DNAAF4: variants seen among roughly 807,000 people sequenced by gnomAD.
DNAAF4 encodes dynein axonemal assembly factor 4, also known as dynein assembly factor 4, axonemal.
In DNAAF4, 43 loss-of-function variants were observed where a neutral mutation model predicts 51.8. The observed-to-expected ratio is 0.83, with a 90% CI of 0.65 to 1.07. The LOEUF (loss-of-function observed/expected upper bound fraction) is 1.07, where lower values mean the gene tolerates loss of function less well. Ranked by LOEUF, DNAAF4 falls within the 50% of genes least tolerant of loss-of-function variation. DNAAF4 has a pLI of 0.00. For synonymous variants in DNAAF4, 194 were observed against 165.6 expected (o/e 1.17, Z -1.32); for missense variants, 581 against 493.0 (o/e 1.18, Z -1.69).
chr15:55,430,825 A>G, intron 9 of DNAAF4, 46 bp from the exon 10 acceptor site: 1 of 1,437,694 alleles, frequency 7.0e-7, no homozygotes. Context: ...ATATTTTATT[A>G]GCACTTCTTT....
At position 55,433,950 on chromosome 15, in the gene DNAAF4, A is replaced by ATTATAATAT. The variant is rs1228233746; in HGVS notation, c.1047+954_1047+955insATATTATAA. 6.2e-3 allele frequency among the ~76,000 whole-genome samples: 204 copies of ATTATAATAT among 33,144 alleles called. 17 individuals carry two copies. The highest frequency in any genetic ancestry group is 0.016 in the African/African-American group (166 of 10,528). 21.7% of individuals were successfully genotyped at this position (33,144 alleles called of 152,430 possible). A position where few individuals can be genotyped will look rare whatever the true frequency, so the allele number is the denominator to read the frequency against. Reference sequence around the variant, plus strand: ...ATATTATATAAAATATATATAATATATATAATATATATAATATATTTTATA... The same window carrying ATTATAATAT: ...ATATTATATAAAATATATATAATATATTATAATATTATAATATATATAATATATTTTATA... On this transcript the variant is annotated intron_variant, in intron 8 of 9. Coordinates refer to ENST00000321149, the MANE Select transcript of DNAAF4 (RefSeq NM_130810.4).
intron 9 of DNAAF4, 70 bp from the exon 10 acceptor site, chr15:55,430,849 G>T: frequency 8.0e-7 from 1 of 1,250,814 alleles, no homozygotes; most frequent in South Asian, 1.3e-5. Flanking sequence ...CTAGACAATA[G>T]TTGTTTAAAA....
chr15:55,465,941 G>C (rs149188410), intron 5 of DNAAF4, among the ~76,000 whole-genome samples: 10 of 152,222 alleles, frequency 6.6e-5, no homozygotes, highest in African/African-American at 1.7e-4. Context: ...TGGGGACTAG[G>C]GGGGAAGGGT....
rs1230072272 is a variant in DNAAF4, at chr15:55,466,912, A to G, written c.637+18T>C. On this transcript the variant is annotated intron_variant, in intron 5 of 9. Transcript: ENST00000321149. ...CACCAACAGGACTCACTACTCAAGA[A>G]ATTCTTAATCATTTTACCTTTTGGA... 2 of 1,581,110 alleles carry G rather than the reference A, an allele frequency of 1.3e-6. No individual in the cohort carries two copies. The highest frequency in any genetic ancestry group is 2.8e-5 in the African/African-American group (2 of 72,660).
chr15:55,434,827 C>G, intron 8 of DNAAF4, 78 bp downstream of exon 8: 1 of 1,162,916 alleles, frequency 8.6e-7, no homozygotes, highest in South Asian at 2.6e-5. Context: ...TTCAACTGAA[C>G]AGAAAAAGAT....
Position 55,430,415 on chromosome 15 carries a change from A to G in DNAAF4, c.*255T>C. 3.0e-6 allele frequency: 3 copies of G among 1,011,952 alleles called. No homozygotes were observed. Among genetic ancestry groups the G allele is most frequent in the Non-Finnish European group, 3.6e-6 (3 of 843,302 alleles). 62.7% of individuals were successfully genotyped at this position (1,011,952 alleles called of 1,614,324 possible). ...TTTGTTACAAGGGCAAGCTTAATTC[A>G]GTAACACAAAAAAGTATACATATGT... On this transcript the variant is annotated 3_prime_UTR_variant, in exon 10 of 10. Coordinates refer to ENST00000321149, the MANE Select transcript of DNAAF4 (RefSeq NM_130810.4).
chr15:55,446,396 A>G (rs1279500823), intron 6 of DNAAF4, among the ~76,000 whole-genome samples: 1 of 133,660 alleles, frequency 7.5e-6, no homozygotes, highest in Non-Finnish European at 1.6e-5. Context: ...GGCCGGGCAG[A>G]GGCGCTCCTC....
intron 4 of DNAAF4, among the ~76,000 whole-genome samples, chr15:55,467,544 T>TACACACAC (rs59329424): frequency 3.4e-4 from 51 of 150,296 alleles, no homozygotes; most frequent in South Asian, 1.1e-3. Flanking sequence ...TCTCAAAATC[T>TACACACAC]ACACACACAC....
intron 8 of DNAAF4, among the ~76,000 whole-genome samples, chr15:55,433,498 C>T (rs1394629456): frequency 6.6e-6 from 1 of 151,174 alleles, no homozygotes; most frequent in African/African-American, 2.4e-5. Flanking sequence ...TGATGGCGGG[C>T]GCCTTCAGTC....
chr15:55,456,348 C>T (rs1160438772), intron 5 of DNAAF4, among the ~76,000 whole-genome samples: 1 of 152,158 alleles, frequency 6.6e-6, no homozygotes, highest in Non-Finnish European at 1.5e-5. Flanking sequence ...TCTCAAAGTT[C>T]TGGGATTACA....
chr15:55,498,475 C>T lies in DNAAF4; in HGVS notation c.-146G>A, dbSNP rs893194275. 4.0e-6 allele frequency: 5 copies of T among 1,242,454 alleles called. No individual in the cohort carries two copies. The highest frequency in any genetic ancestry group is 4.3e-6 in the Non-Finnish European group (4 of 922,692). The allele number at this position is 1,242,454 out of a possible 1,614,324, so 77.0% of individuals were successfully genotyped here. A position where few individuals can be genotyped will look rare whatever the true frequency, so the allele number is the denominator to read the frequency against. On this transcript the variant is annotated 5_prime_UTR_variant, in exon 2 of 10. Coordinates refer to ENST00000321149, the MANE Select transcript of DNAAF4 (RefSeq NM_130810.4). ...TCCCAGCGTGCTCCGGCGCCAGCAC[C>T]TCGCGGACTCCATGCGTGACTATCC...
At chr15:55,456,463 T>C (rs887502596) in intron 5 of DNAAF4, among the ~76,000 whole-genome samples, 1 of 152,112 alleles carries the variant, frequency 6.6e-6, no homozygotes, top group African/African-American at 2.4e-5. Flanking sequence ...ATTATATTCA[T>C]TGGGAGATAG....
chr15:55,455,354 T>C (rs994183927), intron 5 of DNAAF4, among the ~76,000 whole-genome samples: 3 of 145,096 alleles, frequency 2.1e-5, no homozygotes, highest in Non-Finnish European at 4.5e-5. Flanking sequence ...TGAAGATAAA[T>C]GTGACAACTG....
chr15:55,498,857 G>C (rs1218871368), intron 1 of DNAAF4, among the ~76,000 whole-genome samples: 1 of 149,280 alleles, frequency 6.7e-6, no homozygotes, highest in Admixed American at 6.8e-5. Flanking sequence ...GTCGCAGTGA[G>C]CCGAAATCGC....
chr15:55,474,564 C>T (rs1433522092), intron 4 of DNAAF4, among the ~76,000 whole-genome samples: 1 of 151,818 alleles, frequency 6.6e-6, no homozygotes. Context: ...CTTATACAAA[C>T]TTATAAAAAC....
At chr15:55,507,653 T>C (rs1253785117) in intron 1 of DNAAF4, among the ~76,000 whole-genome samples, 2 of 152,056 alleles carry the variant, frequency 1.3e-5, no homozygotes, top group African/African-American at 4.8e-5. Flanking sequence ...GCCTTTTTGG[T>C]AACCAACAGA....
At chr15:55,506,697 A>G (rs1409316373) in intron 1 of DNAAF4, among the ~76,000 whole-genome samples, 2 of 152,320 alleles carry the variant, frequency 1.3e-5, no homozygotes, top group East Asian at 3.9e-4. Flanking sequence ...AAATAAGCCA[A>G]ATGTCTTTCA....
At chr15:55,433,706 T>C (rs1452164027) in intron 8 of DNAAF4, among the ~76,000 whole-genome samples, 1 of 133,148 alleles carries the variant, frequency 7.5e-6, no homozygotes, top group South Asian at 2.2e-4. Context: ...CAAATATAAA[T>C]ATATTATATA....
At chr15:55,421,356 A>T (rs939528449) in intron 7 of DNAAF4, among the ~76,000 whole-genome samples, 11 of 152,108 alleles carry the variant, frequency 7.2e-5, no homozygotes, top group South Asian at 6.2e-4. Context: ...CAAAATGCTT[A>T]GCCAGGCATG....
Sources: allele counts gnomAD v4.1 joint callset (sites outside exome capture counted in the v4.1 genomes callset), GRCh38; gene constraint gnomAD v4.1.1; transcripts MANE v1.5; gene names NCBI Gene and HGNC (gene_info 2026-07-23, HGNC 2026-07-21).